The following SUMF1 variants were observed in gnomAD, a reference collection of about 807,000 sequenced individuals.
SUMF1 encodes the protein formylglycine-generating enzyme.
Under a neutral mutation model 47.6 loss-of-function variants are expected in SUMF1, and 48 were observed. The observed-to-expected ratio is 1.01, with a 90% CI of 0.80 to 1.28. The LOEUF is 1.28. SUMF1 is among the 50% of genes most tolerant of loss of function. The pLI, the probability that SUMF1 is intolerant of heterozygous loss-of-function variation, is 0.00. For synonymous variants in SUMF1, 230 were observed against 192.1 expected (o/e 1.20, Z -1.63); for missense variants, 571 against 485.4 (o/e 1.18, Z -1.66).
At chr3:4,419,843 G>T (rs1036267614) in intron 4 of SUMF1, among the ~76,000 whole-genome samples, 1 of 152,242 alleles carries the variant, frequency 6.6e-6, no homozygotes, top group Non-Finnish European at 1.5e-5. Context: ...CAAATGAGGA[G>T]AGAAAGAGGC....
rs527496695 is a variant in SUMF1 at position 4,054,653 on chromosome 3, G to A, written c.1191+13916C>T. 4.6e-5 allele frequency among the ~76,000 whole-genome samples: 7 copies of A among 152,208 alleles called. No individual in the cohort carries two copies. In the South Asian group the frequency reaches 1.5e-3, roughly 32 times the overall value. The stretch of plus-strand genomic sequence containing the variant: ...TCTCAGTACTATGTAATATTTATGA[G>A]ATACTCACAGTGTGCTCAATGCAGA... On this transcript the variant is annotated intron_variant and NMD_transcript_variant, in intron 9 of 12. Transcript: ENST00000448413.
chr3:4,442,411 A>G (rs1048659725), intron 3 of SUMF1, among the ~76,000 whole-genome samples: 26 of 78,744 alleles, frequency 3.3e-4, no homozygotes, highest in African/African-American at 6.9e-4. Flanking sequence ...GCCCAACACC[A>G]CGCCCGGCTA....
chr3:4,381,874 C>T (rs1700515065), intron 7 of SUMF1, among the ~76,000 whole-genome samples: 1 of 152,122 alleles, frequency 6.6e-6, no homozygotes, highest in Admixed American at 6.5e-5. Flanking sequence ...GGTGAAACCT[C>T]ATCTCTACAA....
chr3:4,160,531 G>A lies in SUMF1; in HGVS notation c.1015-91786C>T, dbSNP rs74398920. On this transcript the variant is annotated intron_variant and NMD_transcript_variant, in intron 8 of 12. Coordinates refer to the SUMF1 transcript ENST00000448413. ...TATTCTTATTTCTTGCATCTCCTCT[G>A]CTGTGTATTTTCAAATACTCTCTCT... is the stretch of plus-strand genomic sequence containing the variant. Among the ~76,000 whole-genome samples, 978 of 152,030 alleles carry A rather than the reference G, an allele frequency of 6.4e-3. 20 individuals carry two copies. The highest frequency in any genetic ancestry group is 0.023 in the African/African-American group (938 of 41,432).
intron 8 of SUMF1, among the ~76,000 whole-genome samples, chr3:4,315,190 C>T (rs1559219618): frequency 1.3e-5 from 2 of 152,218 alleles, no homozygotes; most frequent in African/African-American, 2.4e-5. Context: ...TCCTCTATTA[C>T]TTCAATGCCT....
At position 4,410,953 on chromosome 3, in the gene SUMF1, T is replaced by A. The variant is rs772860745; in HGVS notation, c.866A>T (p.Tyr289Phe). 1.2e-6 allele frequency: 2 copies of A among 1,614,062 alleles called. No individual in the cohort carries two copies. The highest frequency in any genetic ancestry group is 2.2e-5 in the East Asian group (1 of 44,882). ...GTTCCCCACTATGTTGTATAAGCCA[T>A]AACCATTGGGAGGGAAGGCATCAAC... ...APVDAFPPNG[Y>F]GLYNIVGNAW... The change falls in exon 7 of 9, where the codon TAT (tyrosine) becomes TTT (phenylalanine). Residue 289 changes from tyrosine to phenylalanine, a missense_variant. Transcript: ENST00000272902.
At chr3:4,085,811 A>T (rs1489100703) in intron 8 of SUMF1, among the ~76,000 whole-genome samples, 1 of 152,036 alleles carries the variant, frequency 6.6e-6, no homozygotes, top group Non-Finnish European at 1.5e-5. Flanking sequence ...GGACAAAAAT[A>T]TTGCTTTCTT....
At chr3:4,357,277 GT>G (rs1699640105), downstream of SUMF1, among the ~76,000 whole-genome samples, 1 of 149,024 alleles carries the variant, frequency 6.7e-6, no homozygotes, top group Admixed American at 6.7e-5. Flanking sequence ...AAAGCACTAT[GT>G]TTACGGTGTT....
At chr3:4,258,574 C>G (rs1183745852) in intron 8 of SUMF1, among the ~76,000 whole-genome samples, 1 of 152,088 alleles carries the variant, frequency 6.6e-6, no homozygotes, top group Non-Finnish European at 1.5e-5. Context: ...TACCATCTCA[C>G]ACCAGTTAGA....
intron 8 of SUMF1, among the ~76,000 whole-genome samples, chr3:4,307,840 C>T (rs1698251679): frequency 6.6e-6 from 1 of 152,038 alleles, no homozygotes; most frequent in Non-Finnish European, 1.5e-5. Context: ...AGTTTAAGAC[C>T]ACCCTTAACA....
At chr3:4,099,200 T>C (rs1416404100) in intron 8 of SUMF1, among the ~76,000 whole-genome samples, 2 of 152,044 alleles carry the variant, frequency 1.3e-5, no homozygotes, top group Non-Finnish European at 1.5e-5. Context: ...ACCACCAACC[T>C]CCCTTGCTAT....
At chr3:4,109,549 T>A (rs1162441823) in intron 8 of SUMF1, among the ~76,000 whole-genome samples, 1 of 152,160 alleles carries the variant, frequency 6.6e-6, no homozygotes, top group African/African-American at 2.4e-5. Context: ...CTTCCCATCA[T>A]TTTCAGGTAC....
chr3:4,359,122 A>T (rs9811531), downstream of SUMF1, among the ~76,000 whole-genome samples: 21,084 of 152,120 alleles, frequency 0.14, 2,478 homozygotes, highest in African/African-American at 0.3. Flanking sequence ...TGGCATTCAA[A>T]CCGAACTTTT....
At chr3:4,103,238 A>C (rs1193502112) in intron 8 of SUMF1, among the ~76,000 whole-genome samples, 1 of 109,884 alleles carries the variant, frequency 9.1e-6, no homozygotes, top group African/African-American at 6.4e-5. Context: ...TTTTAAGCAT[A>C]AAAAAAAAAA....
intron 9 of SUMF1, among the ~76,000 whole-genome samples, chr3:4,042,268 C>A (rs317578): frequency 1.3e-5 from 2 of 152,108 alleles, no homozygotes; most frequent in Non-Finnish European, 2.9e-5. Context: ...ATTATGTCAC[C>A]TGATCTTTAT....
intron 9 of SUMF1, among the ~76,000 whole-genome samples, chr3:4,044,491 T>C (rs747125146): frequency 4.6e-5 from 7 of 152,212 alleles, no homozygotes; most frequent in Admixed American, 4.6e-4. Context: ...GGTATGAGTA[T>C]GAGGCTTCAT....
intron 8 of SUMF1, among the ~76,000 whole-genome samples, chr3:4,324,857 G>A (rs1024446513): frequency 6.6e-6 from 1 of 151,966 alleles, no homozygotes; most frequent in Non-Finnish European, 1.5e-5. Context: ...TTTCCCCCCT[G>A]TATTATCCCA....
intron 8 of SUMF1, among the ~76,000 whole-genome samples, chr3:4,183,623 A>G (rs1223704327): frequency 6.6e-6 from 1 of 152,166 alleles, no homozygotes; most frequent in African/African-American, 2.4e-5. Context: ...CTTTGGCAGG[A>G]TCTACACCTA....
At chr3:4,098,864 G>C (rs1048558576) in intron 8 of SUMF1, among the ~76,000 whole-genome samples, 1 of 152,066 alleles carries the variant, frequency 6.6e-6, no homozygotes, top group Non-Finnish European at 1.5e-5. Flanking sequence ...AAGCCACAAA[G>C]GAATTTCTGA....
Sources: allele counts gnomAD v4.1 joint callset (sites outside exome capture counted in the v4.1 genomes callset), GRCh38; gene constraint gnomAD v4.1.1; transcripts MANE v1.5; gene names NCBI Gene and HGNC (gene_info 2026-07-23, HGNC 2026-07-21).